TASP1: variants seen among roughly 807,000 people sequenced by gnomAD.
The protein encoded by TASP1 is threonine aspartase 1.
TASP1 carries 16 observed loss-of-function variants against 56.6 expected under a neutral mutation model. The observed-to-expected ratio is 0.28, with a 90% CI of 0.19 to 0.43. The LOEUF is 0.43. Ranked by LOEUF, TASP1 falls within the 20% of genes least tolerant of loss-of-function variation. TASP1 has a pLI of 1.00. For synonymous variants in TASP1, 179 were observed against 184.2 expected, an observed-to-expected ratio of 0.97 and a Z score of 0.23; for missense variants, 393 against 511.6, an observed-to-expected ratio of 0.77 and a Z score of 2.24.
At chr20:13,528,533 T>G in intron 9 of TASP1, 22 bp from the exon 10 acceptor site, 1 of 1,580,814 alleles carries the variant, frequency 6.3e-7, no homozygotes, top group South Asian at 1.2e-5. Flanking sequence ...AGAAAATAGA[T>G]ATAATATTTC....
the TASP1 span, among the ~76,000 whole-genome samples, chr20:13,186,372 C>T: frequency 1.3e-5 from 2 of 152,140 alleles, no homozygotes; most frequent in South Asian, 4.1e-4. Context: ...AGTCTCCAGT[C>T]TTCTTATTTT....
intron 10 of TASP1, among the ~76,000 whole-genome samples, chr20:13,491,032 C>A: frequency 6.6e-6 from 1 of 152,130 alleles, no homozygotes; most frequent in African/African-American, 2.4e-5. Context: ...TGATTCTCAG[C>A]TAGCTTAACA....
At chr20:13,215,613 A>G in the TASP1 span, among the ~76,000 whole-genome samples, 1 of 152,332 alleles carries the variant, frequency 6.6e-6, no homozygotes, top group East Asian at 1.9e-4. Context: ...GAATGCTTCC[A>G]AGAAGCCGGT....
chr20:13,606,681 C>T (rs2048168562), intron 4 of TASP1, among the ~76,000 whole-genome samples: 1 of 151,948 alleles, frequency 6.6e-6, no homozygotes, highest in Non-Finnish European at 1.5e-5. Flanking sequence ...GTAGTGGGCG[C>T]CTGTAGTCCC....
chr20:13,179,226 T>C, the TASP1 span, among the ~76,000 whole-genome samples: 2 of 152,224 alleles, frequency 1.3e-5, no homozygotes, highest in Admixed American at 1.3e-4. Flanking sequence ...TTAGTATTTT[T>C]ATAATTTTTA....
the TASP1 span, among the ~76,000 whole-genome samples, chr20:13,236,384 C>T: frequency 6.6e-6 from 1 of 152,278 alleles, no homozygotes; most frequent in Admixed American, 6.5e-5. Flanking sequence ...TTGCCTCCAC[C>T]TGGGTCCTTC....
At position 13,537,152 on chromosome 20, in the gene TASP1, C is replaced by T. The variant is rs903475169; in HGVS notation, c.676-3011G>A. ...GCATTTCAATCAGGATATTGTGAAC[C>T]ATGAGAACTGTTATACCTAACCAAA... On this transcript the variant is annotated intron_variant, in intron 8 of 13. Transcript: ENST00000337743. Among the ~76,000 whole-genome samples the T allele has an allele frequency of 5.9e-5, 9 of 152,126 alleles. No individual in the cohort carries two copies. In the East Asian group the frequency reaches 1.7e-3, roughly 29 times the overall value.
At chr20:13,220,905 G>A in the TASP1 span, among the ~76,000 whole-genome samples, 1 of 141,546 alleles carries the variant, frequency 7.1e-6, no homozygotes, top group South Asian at 2.6e-4. Flanking sequence ...CCACAGCCCC[G>A]AGCCTCAGTG....
chr20:13,582,963 C>T (rs2047177516), intron 5 of TASP1, among the ~76,000 whole-genome samples: 1 of 152,202 alleles, frequency 6.6e-6, no homozygotes. Flanking sequence ...TCACTTCTGA[C>T]CAATGTGGTA....
Position 13,519,501 on chromosome 20 carries a change from A to G in TASP1, c.874+8932T>C, listed in dbSNP as rs192424179. Among the ~76,000 whole-genome samples the G allele has an allele frequency of 2.3e-3, 350 of 152,348 alleles. 10 individuals carry two copies. The highest frequency in any genetic ancestry group is 0.022 in the Admixed American group (330 of 15,302). On this transcript the variant is annotated intron_variant, in intron 10 of 13. Transcript: ENST00000337743. ...TCAATAAATGTAATCCAGCATATAA[A>G]CAGAACCAATGACAAAAACCATATG...
intron 10 of TASP1, among the ~76,000 whole-genome samples, chr20:13,522,683 C>T (rs1480459399): frequency 6.6e-6 from 1 of 151,996 alleles, no homozygotes; most frequent in Non-Finnish European, 1.5e-5. Flanking sequence ...TGGAGAGAGG[C>T]CCAGGTTGGA....
chr20:13,522,791 T>C (rs1183952604), intron 10 of TASP1, among the ~76,000 whole-genome samples: 1 of 150,788 alleles, frequency 6.6e-6, no homozygotes, highest in Non-Finnish European at 1.5e-5. Flanking sequence ...AGAGAAGAGG[T>C]TCAAGGACTA....
chr20:13,132,474 C>A, the TASP1 span, among the ~76,000 whole-genome samples: 1 of 151,982 alleles, frequency 6.6e-6, no homozygotes, highest in African/African-American at 2.4e-5. Flanking sequence ...CCGCACCCAG[C>A]CGCTTTAATC....
intron 13 of TASP1, among the ~76,000 whole-genome samples, chr20:13,410,358 G>T (rs1456146007): frequency 6.6e-6 from 1 of 152,172 alleles, no homozygotes; most frequent in Non-Finnish European, 1.5e-5. Context: ...TAGTAGAAAG[G>T]TTGGATTGCA....
chr20:13,364,135 T>C, the TASP1 span, among the ~76,000 whole-genome samples: 3 of 152,096 alleles, frequency 2.0e-5, no homozygotes, highest in Admixed American at 2.0e-4. Context: ...TATTTGTCAG[T>C]GATGGGGTTG....
chr20:13,219,754 A>G, the TASP1 span, among the ~76,000 whole-genome samples: 2 of 152,206 alleles, frequency 1.3e-5, no homozygotes, highest in Admixed American at 6.5e-5. Context: ...AATAAGCCCA[A>G]CCAGCAGACC....
At chr20:13,473,848 G>A (rs188974701) in intron 11 of TASP1, among the ~76,000 whole-genome samples, 64 of 152,260 alleles carry the variant, frequency 4.2e-4, no homozygotes, top group African/African-American at 1.5e-3. Flanking sequence ...AAAAGCAGGA[G>A]GATTACTGGA....
chr20:13,271,860 C>T, the TASP1 span, among the ~76,000 whole-genome samples: 1 of 151,860 alleles, frequency 6.6e-6, no homozygotes, highest in African/African-American at 2.4e-5. Flanking sequence ...CTGCATGCAG[C>T]CCCTACCTCC....
the TASP1 span, chr20:13,126,786 G>A: frequency 2.2e-5 from 35 of 1,575,198 alleles, no homozygotes; most frequent in South Asian, 2.0e-4. Context: ...TAATCTCCCC[G>A]CTTCTCAAAT....
Sources: allele counts gnomAD v4.1 joint callset (sites outside exome capture counted in the v4.1 genomes callset), GRCh38; gene constraint gnomAD v4.1.1; transcripts MANE v1.5; gene names NCBI Gene and HGNC (gene_info 2026-07-23, HGNC 2026-07-21).